The following UMODL1 variants were observed in gnomAD, a reference collection of about 807,000 sequenced individuals.
UMODL1 encodes the protein uromodulin-like 1.
Under a neutral mutation model 136.3 loss-of-function variants are expected in UMODL1, and 128 were observed. The observed-to-expected ratio is 0.94, with a 90% confidence interval of 0.81 to 1.09. The LOEUF (loss-of-function observed/expected upper bound fraction) is 1.09, where lower values mean the gene tolerates loss of function less well. Ranked by LOEUF, UMODL1 falls within the 50% of genes least tolerant of loss-of-function variation. UMODL1 has a pLI of 0.00. For missense variants in UMODL1, 1,766 were observed against 1,725.6 expected (o/e 1.02, Z -0.41); for synonymous variants, 721 against 720.0 (o/e 1.00, Z -0.02).
rs373984397 is a variant in UMODL1, at chr21:42,119,281, C to T, written c.2646C>T (p.Thr882=). Residue 882 remains threonine (T), a synonymous_variant, in exon 15 of 23, where the codon ACC becomes ACT. Coordinates refer to ENST00000408910, the MANE Select transcript of UMODL1 (RefSeq NM_001004416.3). ...VSAAFLTAFQ[T]VPLLEVIRGD... is the part of the protein sequence containing the mutation. ...CTGCATTTCTCACCGCCTTCCAGAC[C>T]GTGCCTCTGCTGGAGGTGATCAGAG... 8.1e-6 allele frequency: 13 copies of T among 1,614,026 alleles called. No homozygotes were observed. Among genetic ancestry groups the T allele is most frequent in the Middle Eastern group, 1.6e-4 (1 of 6,082 alleles).
rs747059903 is a variant in UMODL1, at chr21:42,110,981, A to G, written c.1759A>G (p.Thr587Ala). 18 of 1,612,646 alleles carry G rather than the reference A, an allele frequency of 1.1e-5. No individual in the cohort carries two copies. The highest frequency in any genetic ancestry group is 1.5e-5 in the Non-Finnish European group (18 of 1,179,692). Residue 587 changes from threonine to alanine, a missense_variant, in exon 11 of 23, where the codon ACC becomes GCC. By Grantham distance (58) the Thr-to-Ala change is moderately conservative. Coordinates refer to ENST00000408910, the MANE Select transcript of UMODL1 (RefSeq NM_001004416.3). ...GTAALGLENF[T>A]LSPSPGYPQG... ...AGCAGCCCTCGGCCTAGAGAACTTC[A>G]CCTTGTCACCCAGTCCTGGGTACCC...
chr21:42,107,318 G>A (rs1471180286), intron 9 of UMODL1, among the ~76,000 whole-genome samples: 2 of 152,198 alleles, frequency 1.3e-5, no homozygotes, highest in Admixed American at 6.5e-5. Flanking sequence ...AGGCCTTGTG[G>A]GTCTTCTGGG....
intron 9 of UMODL1, among the ~76,000 whole-genome samples, chr21:42,104,771 G>T (rs948200441): frequency 3.9e-5 from 6 of 152,318 alleles, no homozygotes; most frequent in African/African-American, 7.2e-5. Flanking sequence ...ATTTCATTAC[G>T]CTGTGTGTTA....
At chr21:42,065,932 G>A (rs895770020) in intron 1 of UMODL1, among the ~76,000 whole-genome samples, 2 of 152,194 alleles carry the variant, frequency 1.3e-5, no homozygotes, top group African/African-American at 4.8e-5. Context: ...TCCGCAGCCA[G>A]GTCCCAGGAC....
chr21:42,091,714 A>T (rs1184217313), intron 6 of UMODL1, among the ~76,000 whole-genome samples: 1 of 152,230 alleles, frequency 6.6e-6, no homozygotes, highest in Non-Finnish European at 1.5e-5. Context: ...GGAAGACCCG[A>T]GCTGTTGTTA....
chr21:42,089,094 C>A (rs770140378), intron 5 of UMODL1, among the ~76,000 whole-genome samples: 1 of 152,138 alleles, frequency 6.6e-6, no homozygotes, highest in Non-Finnish European at 1.5e-5. Flanking sequence ...TTTGGCTTTG[C>A]GGGCCCACGT....
Position 42,111,005 on chromosome 21 carries a change from C to T in UMODL1, c.1783C>T (p.Pro595Ser), listed in dbSNP as rs1471205607. 4 of 1,612,790 alleles carry T rather than the reference C, an allele frequency of 2.5e-6. No homozygotes were observed. Among genetic ancestry groups the T allele is most frequent in the Admixed American group, 3.3e-5 (2 of 59,844 alleles). ...NFTLSPSPGYPQGTPAAGQAW... is the reference protein window; with the variant it reads ...NFTLSPSPGYSQGTPAAGQAW... ...CACCTTGTCACCCAGTCCTGGGTAC[C>T]CTCAGGGCACCCCGGCAGCAGGCCA... Residue 595 changes from proline (P) to serine (S), a missense_variant, in exon 11 of 23, where the codon CCT (proline) becomes TCT (serine). By Grantham distance (74) the Pro-to-Ser change is moderately conservative. Coordinates refer to ENST00000408910, the MANE Select transcript of UMODL1 (RefSeq NM_001004416.3).
At chr21:42,086,401 C>A in intron 4 of UMODL1, 2 of 386,978 alleles carry the variant, frequency 5.2e-6, no homozygotes, top group South Asian at 1.9e-5. Context: ...ACTAAGCTGG[C>A]TGGCAGCCCA....
chr21:42,076,793 G>T (rs1431426431), intron 2 of UMODL1, among the ~76,000 whole-genome samples: 2 of 152,134 alleles, frequency 1.3e-5, no homozygotes, highest in Admixed American at 6.5e-5. Context: ...GCTGGAAGGA[G>T]CCCCGAGCCT....
intron 9 of UMODL1, among the ~76,000 whole-genome samples, chr21:42,104,375 T>C (rs1184377908): frequency 6.6e-6 from 1 of 152,146 alleles, no homozygotes; most frequent in Non-Finnish European, 1.5e-5. Flanking sequence ...CCAGCACTTC[T>C]GGGCAGCGGG....
Position 42,075,935 on chromosome 21 carries a change from C to T in UMODL1, c.77-70C>T. On this transcript the variant is annotated intron_variant, in intron 1 of 22. Coordinates refer to ENST00000408910, the MANE Select transcript of UMODL1 (RefSeq NM_001004416.3). The stretch of plus-strand genomic sequence containing the variant: ...CTCACTTGCTATTGCAGAGGGACGC[C>T]TTGCGGATAACCGCTCGCACGGATC... The T allele has an allele frequency of 1.9e-6, 3 of 1,587,706 alleles. No homozygotes were observed. The South Asian group carries it at 3.4e-5, about 18-fold the overall frequency.
At chr21:42,071,686 T>G (rs1276455125) in intron 1 of UMODL1, among the ~76,000 whole-genome samples, 1 of 151,942 alleles carries the variant, frequency 6.6e-6, no homozygotes, top group Non-Finnish European at 1.5e-5. Context: ...CCAGCAGGTC[T>G]GGGGTGCAGG....
Position 42,102,167 on chromosome 21 carries a change from T to G in UMODL1, c.1188T>G (p.Asn396Lys). ...DVSTTLTIKT[N>K]AQVFEVTIKI... ...AATTTGTTTCACTGTCTGTCTCAGA[T>G]GCCCAGGTATTTGAAGTCACAATAA... The change falls in exon 8 of 23, where the codon AAT becomes AAG. Residue 396 changes from asparagine to lysine, a missense_variant and splice_region_variant. Coordinates refer to ENST00000408910, the MANE Select transcript of UMODL1 (RefSeq NM_001004416.3). 1.2e-6 allele frequency: 2 copies of G among 1,610,844 alleles called. No individual in the cohort carries two copies. The highest frequency in any genetic ancestry group is 1.7e-6 in the Non-Finnish European group (2 of 1,177,652).
intron 17 of UMODL1, among the ~76,000 whole-genome samples, chr21:42,124,821 T>C (rs915930050): frequency 2.6e-5 from 4 of 152,132 alleles, no homozygotes; most frequent in Non-Finnish European, 5.9e-5. Flanking sequence ...GGTGGTGCCC[T>C]GAAACCACCG....
intron 12 of UMODL1, among the ~76,000 whole-genome samples, chr21:42,112,421 C>T (rs1334797972): frequency 6.6e-6 from 1 of 151,860 alleles, no homozygotes; most frequent in Non-Finnish European, 1.5e-5. Flanking sequence ...TCTGCACCCC[C>T]AGCTGTTCTG....
chr21:42,130,245 T>TGTGTGTGTGTGC (rs377170083), intron 21 of UMODL1, among the ~76,000 whole-genome samples: 52 of 151,968 alleles, frequency 3.4e-4, no homozygotes, highest in African/African-American at 1.1e-3. Flanking sequence ...TGTGTGTGTG[T>TGTGTGTGTGTGC]GCGTGCACAC....
chr21:42,084,897 C>T (rs1221811771), intron 3 of UMODL1, among the ~76,000 whole-genome samples: 1 of 151,420 alleles, frequency 6.6e-6, no homozygotes, highest in Non-Finnish European at 1.5e-5. Context: ...TATGATTATA[C>T]TATCCAATAT....
chr21:42,076,040 A>G lies in UMODL1; in HGVS notation c.112A>G (p.Ser38Gly), dbSNP rs1601174700. Reference protein sequence around the residue: ...GLSLLGYQLCSHRVTHTVQKV... With the variant: ...GLSLLGYQLCGHRVTHTVQKV... ...CTCCCTGTTGGGCTACCAGCTATGCAGCCACCGTGTGACCCACACTGTACA... is the reference window on the plus strand; with the variant it reads ...CTCCCTGTTGGGCTACCAGCTATGCGGCCACCGTGTGACCCACACTGTACA... The change falls in exon 2 of 23, where the codon AGC becomes GGC. Residue 38 changes from serine to glycine, a missense_variant. Transcript: ENST00000408910. 1 of 1,614,188 alleles carries G rather than the reference A, an allele frequency of 6.2e-7. No homozygotes were observed. Among genetic ancestry groups the G allele is most frequent in the Non-Finnish European group, 8.5e-7 (1 of 1,180,020 alleles).
At chr21:42,079,617 G>C (rs572954321) in intron 2 of UMODL1, among the ~76,000 whole-genome samples, 1 of 152,330 alleles carries the variant, frequency 6.6e-6, no homozygotes, top group East Asian at 1.9e-4. Context: ...GAAGAGAAGA[G>C]GGAGGGAAAC....
Sources: allele counts gnomAD v4.1 joint callset (sites outside exome capture counted in the v4.1 genomes callset), GRCh38; gene constraint gnomAD v4.1.1; transcripts MANE v1.5; gene names NCBI Gene and HGNC (gene_info 2026-07-23, HGNC 2026-07-21).